The following EYS variants were observed in gnomAD, a reference collection of about 807,000 sequenced individuals.
EYS encodes protein eyes shut homolog.
A neutral mutation model predicts 282.1 loss-of-function variants in EYS; 250 were observed. The ratio of observed to expected loss-of-function variants is 0.89; its 90% confidence interval spans 0.80 to 0.98. The LOEUF (loss-of-function observed/expected upper bound fraction) is 0.98. Ranked by LOEUF, EYS falls within the 50% of genes least tolerant of loss-of-function variation. The pLI is 0.00. For synonymous variants in EYS, 1,355 were observed against 1,282.9 expected, an observed-to-expected ratio of 1.06 and a Z score of -1.20; for missense variants, 4,016 against 3,709.0, an observed-to-expected ratio of 1.08 and a Z score of -2.15.
chr6:64,260,184 TG>T (rs375087495), intron 30 of EYS, among the ~76,000 whole-genome samples: 1,829 of 152,136 alleles, frequency 0.012, 37 homozygotes, highest in African/African-American at 0.041. Flanking sequence ...TTTGCTGCAA[TG>T]CAGCTAGGAT....
intron 33 of EYS, among the ~76,000 whole-genome samples, chr6:64,051,531 A>G (rs188520236): frequency 5.3e-5 from 8 of 152,294 alleles, no homozygotes; most frequent in African/African-American, 7.2e-5. Context: ...AGCTAATACT[A>G]TCAAGCTTTA....
At chr6:64,151,335 A>ATATATATT (rs1774713771) in intron 31 of EYS, among the ~76,000 whole-genome samples, 2 of 103,994 alleles carry the variant, frequency 1.9e-5, no homozygotes, top group African/African-American at 1.0e-4. Flanking sequence ...ATATATATAT[A>ATATATATT]TATATATATA....
intron 2 of EYS, among the ~76,000 whole-genome samples, chr6:65,628,419 A>C (rs1219862176): frequency 6.6e-6 from 1 of 152,184 alleles, no homozygotes; most frequent in Non-Finnish European, 1.5e-5. Context: ...GGGCCAGATA[A>C]GAGAATAAAA....
At chr6:65,242,849 T>C (rs1247808003) in intron 12 of EYS, among the ~76,000 whole-genome samples, 1 of 152,146 alleles carries the variant, frequency 6.6e-6, no homozygotes, top group Non-Finnish European at 1.5e-5. Context: ...TTTAGACTTG[T>C]ATTTTTTTTT....
chr6:64,197,693 A>G (rs149139803), intron 31 of EYS, among the ~76,000 whole-genome samples: 1,821 of 150,854 alleles, frequency 0.012, 14 homozygotes, highest in Middle Eastern at 0.024. Context: ...TATATATTGT[A>G]CCCCTTATCA....
chr6:65,491,423 A>G (rs1403316501), intron 4 of EYS: 1 of 313,868 alleles, frequency 3.2e-6, no homozygotes, highest in African/African-American at 2.2e-5. Flanking sequence ...TTACAAACCA[A>G]CTGCATGTAA....
intron 12 of EYS, among the ~76,000 whole-genome samples, chr6:65,291,257 T>C (rs1380466290): frequency 1.3e-5 from 2 of 151,514 alleles, no homozygotes; most frequent in Non-Finnish European, 3.0e-5. Flanking sequence ...TAATCTGATA[T>C]GTTAAGAGTG....
intron 26 of EYS, among the ~76,000 whole-genome samples, chr6:64,572,630 AACAG>A (rs1765762431): frequency 1.3e-5 from 2 of 152,134 alleles, no homozygotes; most frequent in South Asian, 2.1e-4. Context: ...ATACCCCAAT[AACAG>A]ACAGAGAGCC....
chr6:63,754,287 C>T (rs1419852069), intron 41 of EYS, among the ~76,000 whole-genome samples: 4 of 152,042 alleles, frequency 2.6e-5, no homozygotes, highest in African/African-American at 7.2e-5. Flanking sequence ...TGGTTTGCTG[C>T]ACCCATCTAC....
chr6:64,707,074 A>G (rs751305932), intron 22 of EYS, among the ~76,000 whole-genome samples: 11 of 151,226 alleles, frequency 7.3e-5, no homozygotes, highest in Non-Finnish European at 1.0e-4. Flanking sequence ...TTAATCAATC[A>G]GTGGACAAAG....
intron 27 of EYS, among the ~76,000 whole-genome samples, chr6:64,438,063 G>A (rs1484906995): frequency 6.6e-6 from 1 of 151,680 alleles, no homozygotes; most frequent in African/African-American, 2.4e-5. Context: ...TCAGAGCAGG[G>A]ATATGAGAAA....
chr6:64,929,998 C>G (rs950431525), intron 15 of EYS, among the ~76,000 whole-genome samples: 2 of 151,962 alleles, frequency 1.3e-5, no homozygotes, highest in African/African-American at 4.8e-5. Context: ...TGCTCAAGAA[C>G]AAAATGATAC....
intron 1 of EYS, among the ~76,000 whole-genome samples, chr6:65,676,251 A>T (rs755723557): frequency 5.9e-5 from 9 of 151,748 alleles, no homozygotes; most frequent in Non-Finnish European, 1.2e-4. Context: ...ACAAATAGAA[A>T]ATAGAAAAAC....
chr6:64,501,058 A>T, intron 26 of EYS, among the ~76,000 whole-genome samples: 1 of 148,044 alleles, frequency 6.8e-6, no homozygotes, highest in Non-Finnish European at 1.5e-5. Context: ...AGAAACCTAG[A>T]ATTCCTCTTC....
chr6:64,244,694 A>G (rs907737216), intron 30 of EYS, among the ~76,000 whole-genome samples: 4 of 152,172 alleles, frequency 2.6e-5, no homozygotes, highest in Non-Finnish European at 4.4e-5. Context: ...AATTCATAGC[A>G]TGTTTTAAGA....
chr6:63,864,391 G>A (rs1167058565), intron 35 of EYS, 33 bp from the exon 36 acceptor site: 1 of 1,508,764 alleles, frequency 6.6e-7, no homozygotes, highest in Non-Finnish European at 9.0e-7. Context: ...AATTCATTAG[G>A]AAACAACTGA....
intron 29 of EYS, among the ~76,000 whole-genome samples, chr6:64,344,241 A>G (rs1771270463): frequency 6.6e-6 from 1 of 152,156 alleles, no homozygotes; most frequent in South Asian, 2.1e-4. Context: ...AAAGCCTGGC[A>G]GAGACACAAC....
At chr6:64,229,191 C>T (rs1766341756) in intron 31 of EYS, among the ~76,000 whole-genome samples, 2 of 152,148 alleles carry the variant, frequency 1.3e-5, no homozygotes, top group Admixed American at 1.3e-4. Flanking sequence ...AGGAGAATCA[C>T]TTGAACCTGG....
At chr6:64,280,893 C>G (rs1582529164) in intron 30 of EYS, among the ~76,000 whole-genome samples, 1 of 152,184 alleles carries the variant, frequency 6.6e-6, no homozygotes, top group African/African-American at 2.4e-5. Context: ...TCAATTTAAA[C>G]TTTGAGAAAA....
Sources: allele counts gnomAD v4.1 joint callset (sites outside exome capture counted in the v4.1 genomes callset), GRCh38; gene constraint gnomAD v4.1.1; transcripts MANE v1.5; gene names NCBI Gene and HGNC (gene_info 2026-07-23, HGNC 2026-07-21).